TAFA5: variants seen among roughly 807,000 people sequenced by gnomAD.
The protein encoded by TAFA5 is chemokine-like protein TAFA-5.
In TAFA5, 6 loss-of-function variants were observed where a neutral mutation model predicts 15.3. The ratio of observed to expected loss-of-function variants is 0.39; its 90% CI spans 0.21 to 0.77. TAFA5 has a LOEUF of 0.77. Ranked by LOEUF, TAFA5 falls within the 30% of genes least tolerant of loss-of-function variation. The pLI, the probability that TAFA5 is intolerant of heterozygous loss-of-function variation, is 0.41. For missense variants in TAFA5, 161 were observed against 193.1 expected (o/e 0.83, Z 0.98); for synonymous variants, 103 against 80.7 (o/e 1.28, Z -1.48).
In TAFA5 at chr22:48,560,372, G is replaced by C. The variant is rs8137136; in HGVS notation, c.112+70668G>C. ...CAGGCCCCCCAGCATTTCCATTCTCGGCCTCCAATCCCTGGAGACCACACG... is the reference window on the plus strand; with the variant it reads ...CAGGCCCCCCAGCATTTCCATTCTCCGCCTCCAATCCCTGGAGACCACACG... On this transcript the variant is annotated intron_variant, in intron 1 of 3. Transcript: ENST00000402357. This position sits in a 1 kb window ranked among gnomAD's most constrained non-coding sequence, Gnocchi z 4.2. 6.6e-6 allele frequency among the ~76,000 whole-genome samples: 1 copy of C among 151,836 alleles called. No individual in the cohort carries two copies. Among genetic ancestry groups the C allele is most frequent in the Non-Finnish European group, 1.5e-5 (1 of 67,954 alleles).
intron 2 of TAFA5, among the ~76,000 whole-genome samples, chr22:48,659,732 C>G (rs984957693): frequency 7.2e-6 from 1 of 138,956 alleles, no homozygotes; most frequent in Non-Finnish European, 1.5e-5. Flanking sequence ...GGCCTCCGTC[C>G]CTGGCCTTTT....
At chr22:48,714,693 G>T (rs1198048553) in intron 3 of TAFA5, among the ~76,000 whole-genome samples, 3 of 152,228 alleles carry the variant, frequency 2.0e-5, no homozygotes, top group Non-Finnish European at 4.4e-5. Flanking sequence ...GAGACAGGAG[G>T]CTTCTTTCTG....
rs747062623 is a variant in TAFA5, at chr22:48,646,680, G to T, written c.196G>T (p.Ala66Ser). Residue 66 changes from alanine to serine, a missense_variant, in exon 2 of 4, where the codon GCC (alanine) becomes TCC (serine). Coordinates refer to ENST00000402357, the MANE Select transcript of TAFA5 (RefSeq NM_001082967.3). ...QPRRTIARQT[A>S]RCACRKGQIA... Reference sequence around the variant, plus strand: ...TCGGAGGACGATCGCCCGGCAGACCGCCCGCTGTGCGTGTAGAAAGGGGCA... The same window carrying T: ...TCGGAGGACGATCGCCCGGCAGACCTCCCGCTGTGCGTGTAGAAAGGGGCA... The T allele has an allele frequency of 6.2e-7, 1 of 1,610,808 alleles. No individual in the cohort carries two copies. Among genetic ancestry groups the T allele is most frequent in the Admixed American group, 1.7e-5 (1 of 59,950 alleles).
chr22:48,521,345 G>A (rs1399677536), intron 1 of TAFA5, among the ~76,000 whole-genome samples: 2 of 152,140 alleles, frequency 1.3e-5, no homozygotes, highest in Non-Finnish European at 2.9e-5. Context: ...ACGGCCCAGG[G>A]ACCCCTGGCG....
At chr22:48,739,132 C>T (rs192961661) in intron 3 of TAFA5, among the ~76,000 whole-genome samples, 2 of 152,194 alleles carry the variant, frequency 1.3e-5, no homozygotes, top group Non-Finnish European at 2.9e-5. Context: ...TGAGAACCCT[C>T]CCCCGCACCA....
chr22:48,602,778 A>G lies in TAFA5; in HGVS notation c.113-43819A>G, dbSNP rs549953469. Among the ~76,000 whole-genome samples the G allele has an allele frequency of 2.0e-5, 3 of 152,106 alleles. No individual in the cohort carries two copies. In the South Asian group the frequency reaches 6.2e-4, roughly 32 times the overall value. On this transcript the variant is annotated intron_variant, in intron 1 of 3. Coordinates refer to ENST00000402357, the MANE Select transcript of TAFA5 (RefSeq NM_001082967.3). ...TGTCCAGTGAACACCTGGTGAAGGA[A>G]TAAGTCAGTGGGTGCCAAGAGATGG...
chr22:48,546,020 G>A (rs184349218), intron 1 of TAFA5, among the ~76,000 whole-genome samples: 9 of 152,340 alleles, frequency 5.9e-5, no homozygotes, highest in African/African-American at 1.7e-4. Context: ...GGCCAGGCCC[G>A]TCGCTGGGCG....
chr22:48,555,545 G>A (rs539913598), intron 1 of TAFA5, among the ~76,000 whole-genome samples: 2 of 152,306 alleles, frequency 1.3e-5, no homozygotes, highest in African/African-American at 4.8e-5. Context: ...ATGGGAAGAG[G>A]GAGAGAGGGA....
At chr22:48,568,993 C>A (rs1923495730) in intron 1 of TAFA5, among the ~76,000 whole-genome samples, 1 of 152,184 alleles carries the variant, frequency 6.6e-6, no homozygotes, top group African/African-American at 2.4e-5. Flanking sequence ...CTATCAGGCA[C>A]CCTCCATCCT....
chr22:48,705,131 G>C (rs1287974609), intron 2 of TAFA5, among the ~76,000 whole-genome samples: 1 of 152,130 alleles, frequency 6.6e-6, no homozygotes, highest in Non-Finnish European at 1.5e-5. Context: ...CCAGGGGTGA[G>C]GCTGCACTGA....
chr22:48,600,164 A>G (rs1321912277), intron 1 of TAFA5, among the ~76,000 whole-genome samples: 1 of 152,120 alleles, frequency 6.6e-6, no homozygotes, highest in East Asian at 1.9e-4. Context: ...CACAGCCGAG[A>G]TCTCCCCTGT....
chr22:48,719,503 G>A (rs575586991), intron 3 of TAFA5, among the ~76,000 whole-genome samples: 1 of 152,224 alleles, frequency 6.6e-6, no homozygotes, highest in Non-Finnish European at 1.5e-5. Context: ...GAAGAGGAGA[G>A]AGAAGGACAT....
chr22:48,666,611 T>TTCCCTCTTG (rs1485035670), intron 2 of TAFA5, among the ~76,000 whole-genome samples: 1 of 53,826 alleles, frequency 1.9e-5, no homozygotes, highest in African/African-American at 8.2e-5. Context: ...GCATCCACAG[T>TTCCCTCTTG]GTACACTGCC....
intron 2 of TAFA5, among the ~76,000 whole-genome samples, chr22:48,705,443 C>T (rs1485768513): frequency 6.6e-6 from 1 of 152,180 alleles, no homozygotes; most frequent in African/African-American, 2.4e-5. Flanking sequence ...TGTCTGTCTT[C>T]CAGAGGGCCC....
At chr22:48,732,933 AT>A (rs1010860121) in intron 3 of TAFA5, among the ~76,000 whole-genome samples, 144 of 152,314 alleles carry the variant, frequency 9.5e-4, no homozygotes, top group African/African-American at 3.2e-3. Flanking sequence ...GATCCTTAGC[AT>A]TTTTAGCACT....
At chr22:48,621,776 G>C (rs147378104) in intron 1 of TAFA5, among the ~76,000 whole-genome samples, 5 of 152,212 alleles carry the variant, frequency 3.3e-5, no homozygotes, top group Middle Eastern at 3.4e-3. Context: ...CTGGCCTCTC[G>C]AGGTGGGGAG....
chr22:48,738,666 G>A (rs6010513), intron 3 of TAFA5, among the ~76,000 whole-genome samples: 33,710 of 152,140 alleles, frequency 0.22, 4,029 homozygotes, highest in Admixed American at 0.32. Context: ...ACTCCTAAAC[G>A]GGTTATTTTA....
rs927107221 is a variant in TAFA5 at position 48,490,096 on chromosome 22, G to A, written c.112+392G>A. On this transcript the variant is annotated intron_variant, in intron 1 of 3. Transcript: ENST00000402357. This position sits in a 1 kb window ranked among gnomAD's most constrained non-coding sequence, Gnocchi z 5.8. ...CGGGCGGCGCTGCCGGGGTGTCTGCGGAGCGCCCTCCCCGTGCCTCAGCCC... is the reference window on the plus strand; with the variant it reads ...CGGGCGGCGCTGCCGGGGTGTCTGCAGAGCGCCCTCCCCGTGCCTCAGCCC... Among the ~76,000 whole-genome samples, 12 of 152,076 alleles carry A rather than the reference G, an allele frequency of 7.9e-5. No individual in the cohort carries two copies. The highest frequency in any genetic ancestry group is 1.6e-4 in the Non-Finnish European group (11 of 67,988).
chr22:48,531,701 A>G (rs1041101291), intron 1 of TAFA5, among the ~76,000 whole-genome samples: 1 of 152,138 alleles, frequency 6.6e-6, no homozygotes, highest in Non-Finnish European at 1.5e-5. Context: ...GTCTCGCGCC[A>G]GAGACCACAT....
Sources: gnomAD v4.1 joint callset for allele counts (sites outside exome capture counted in the v4.1 genomes callset) on GRCh38, gnomAD v4.1.1 for gene constraint, Gnocchi (gnomAD v3.1) non-coding constraint, MANE v1.5 for transcripts, NCBI Gene and HGNC (gene_info 2026-07-23, HGNC 2026-07-21) for gene names.